The following LRCH2 variants were observed in gnomAD, a reference collection of about 807,000 sequenced individuals.
LRCH2 encodes the protein leucine-rich repeat and calponin homology domain-containing protein 2.
Under a neutral mutation model 68.9 loss-of-function variants are expected in LRCH2, and 38 were observed. The ratio of observed to expected loss-of-function variants is 0.55; its 90% CI spans 0.43 to 0.72. LRCH2 has a LOEUF of 0.72. Among genes scored for constraint, LRCH2 ranks in the 30% least tolerant of loss-of-function variants. LRCH2 has a pLI of 0.00. For missense variants in LRCH2, 528 were observed against 572.9 expected, an observed-to-expected ratio of 0.92 and a Z score of 0.80; for synonymous variants, 191 against 208.1, an observed-to-expected ratio of 0.92 and a Z score of 0.71.
chrX:115,123,947 G>T lies in LRCH2; in HGVS notation c.1847C>A (p.Ser616Ter). The change falls in exon 17 of 21, where the codon TCA becomes TAA. Residue 616 changes from serine (S) to a stop codon, truncating the protein, a stop_gained and splice_region_variant. Transcript: ENST00000317135. LOFTEE classifies it high-confidence loss of function. Reference protein sequence around the residue: ...SHSPFGLKPRSAFSRSSRQEY... With the variant: ...SHSPFGLKPR ...TTATTTACAGAATATCTATTTACCT[G>T]ATCTAGGCTTCAAGCCAAAGGGACT... 9.1e-7 allele frequency: 1 copy of T among 1,096,596 alleles called. No individual in the cohort carries two copies. The highest frequency in any genetic ancestry group is 1.2e-6 in the Non-Finnish European group (1 of 823,953). 90.4% of individuals were successfully genotyped at this position (1,096,596 alleles called of 1,213,427 possible). A position where few individuals can be genotyped will look rare whatever the true frequency, so the allele number is the denominator to read the frequency against.
At chrX:115,233,167 A>G (rs151123509) in intron 1 of LRCH2, among the ~76,000 whole-genome samples, 283 of 112,191 alleles carry the variant, frequency 2.5e-3, no homozygotes, top group African/African-American at 8.4e-3. Context: ...TCAGTCTTTA[A>G]AGGCATACGT....
At chrX:115,149,793 T>C in intron 14 of LRCH2, 34 bp downstream of exon 14, 1 of 934,686 alleles carries the variant, frequency 1.1e-6, no homozygotes, top group Non-Finnish European at 1.5e-6. Flanking sequence ...AACTAATAAT[T>C]ACAAAGTAAA....
At chrX:115,190,944 C>G in intron 1 of LRCH2, 1 of 1,159,475 alleles carries the variant, frequency 8.6e-7, no homozygotes. Context: ...CCAGCTGGAG[C>G]GACCGCTACG....
chrX:115,192,850 G>A (rs1299982141), intron 1 of LRCH2: 2 of 432,379 alleles, frequency 4.6e-6, no homozygotes, highest in Non-Finnish European at 4.1e-6. Flanking sequence ...ACAAGTTCTT[G>A]TTAAAAGTAT....
chrX:115,152,482 C>G (rs1418562929), intron 12 of LRCH2, among the ~76,000 whole-genome samples: 1 of 111,690 alleles, frequency 9.0e-6, no homozygotes, highest in African/African-American at 3.3e-5. Context: ...AGTGCAACAT[C>G]TGAAATTAAA....
At chrX:115,197,843 TCTCTCACA>T (rs1232997876) in intron 1 of LRCH2, among the ~76,000 whole-genome samples, 1 of 47,602 alleles carries the variant, frequency 2.1e-5, no homozygotes, top group Non-Finnish European at 3.9e-5. Flanking sequence ...TCTCTCTCTC[TCTCTCACA>T]CACACACACA....
chrX:115,195,922 A>C (rs2072884019), intron 1 of LRCH2, among the ~76,000 whole-genome samples: 1 of 111,998 alleles, frequency 8.9e-6, no homozygotes, highest in South Asian at 3.8e-4. Flanking sequence ...CTGAGAACTA[A>C]GTAGCCACAG....
Position 115,165,593 on chromosome X carries a change from T to C in LRCH2, c.1261A>G (p.Asn421Asp). 2.6e-6 allele frequency: 3 copies of C among 1,169,209 alleles called. No individual in the cohort carries two copies. Among genetic ancestry groups the C allele is most frequent in the Non-Finnish European group, 3.4e-6 (3 of 872,265 alleles). Residue 421 changes from asparagine to aspartate, a missense_variant, in exon 9 of 21, where the codon AAT becomes GAT. Physicochemically the swap from Asn to Asp is conservative, Grantham distance 23. Coordinates refer to ENST00000317135, the MANE Select transcript of LRCH2 (RefSeq NM_020871.4). ...TEDVAVPEQG[N>D]AHIGSFVSFF... ...GATACAAATGATCCAATATGTGCAT[T>C]TCCCTGTTCAGGAACTGCTACATCT...
intron 14 of LRCH2, among the ~76,000 whole-genome samples, chrX:115,140,561 G>A (rs1340006689): frequency 2.7e-5 from 3 of 111,571 alleles, no homozygotes; most frequent in African/African-American, 9.8e-5. Flanking sequence ...TTGGAGTTCA[G>A]GAATCTAGGC....
intron 14 of LRCH2, among the ~76,000 whole-genome samples, chrX:115,142,989 G>T (rs1405971864): frequency 1.8e-5 from 2 of 110,350 alleles, no homozygotes; most frequent in Non-Finnish European, 3.8e-5. Context: ...CCAGCTACTT[G>T]GAAGGCTGAA....
chrX:115,166,039 G>C (rs782033204), intron 7 of LRCH2, 87 bp from the exon 8 acceptor site: 8 of 741,040 alleles, frequency 1.1e-5, no homozygotes. Context: ...ATGAATTACA[G>C]AATGTCTGCT....
intron 20 of LRCH2, among the ~76,000 whole-genome samples, chrX:115,118,148 T>C (rs1332448542): frequency 9.1e-6 from 1 of 109,908 alleles, no homozygotes; most frequent in Non-Finnish European, 1.9e-5. Context: ...GGAGTTCCAG[T>C]CCAGCCTGGG....
intron 14 of LRCH2, among the ~76,000 whole-genome samples, chrX:115,132,834 T>A (rs2072257849): frequency 8.9e-6 from 1 of 112,047 alleles, no homozygotes; most frequent in Admixed American, 9.6e-5. Context: ...CTTGAGTGAA[T>A]ATGCTAATAT....
At chrX:115,138,981 T>C (rs2072313064) in intron 14 of LRCH2, 1 of 110,378 alleles carries the variant, frequency 9.1e-6, no homozygotes, top group Non-Finnish European at 1.9e-5. Context: ...GAAAGGTCAG[T>C]CCATCTCAGA....
chrX:115,200,788 T>C (rs1458125545), intron 1 of LRCH2, among the ~76,000 whole-genome samples: 1 of 111,069 alleles, frequency 9.0e-6, no homozygotes, highest in African/African-American at 3.3e-5. Context: ...GTATTCTCCC[T>C]AATTCTTTCC....
Position 115,149,807 on chromosome X carries a change from A to T in LRCH2, c.1695+20T>A, listed in dbSNP as rs1556537704. 5 of 1,025,788 alleles carry T rather than the reference A, an allele frequency of 4.9e-6. No homozygotes were observed. The highest frequency in any genetic ancestry group is 6.6e-6 in the Non-Finnish European group (5 of 754,405). 84.5% of individuals were successfully genotyped at this position (1,025,788 alleles called of 1,213,427 possible). ...AAACTAATAATTACAAAGTAAATTT[A>T]AAAACTTAATATAGAGTACCTTGAA... On this transcript the variant is annotated intron_variant, in intron 14 of 20. Transcript: ENST00000317135.
At chrX:115,166,848 A>G (rs2072563755) in intron 6 of LRCH2, among the ~76,000 whole-genome samples, 1 of 110,761 alleles carries the variant, frequency 9.0e-6, no homozygotes, top group African/African-American at 3.3e-5. Flanking sequence ...TTGTCCTTGC[A>G]AATTTCTGAT....
intron 14 of LRCH2, among the ~76,000 whole-genome samples, chrX:115,135,866 T>C (rs1343695862): frequency 7.1e-5 from 8 of 112,121 alleles, no homozygotes; most frequent in Non-Finnish European, 1.5e-4. Context: ...TTGTGAGTAA[T>C]TTTTAGCAAT....
At chrX:115,208,814 A>G (rs1395974528) in intron 1 of LRCH2, among the ~76,000 whole-genome samples, 2 of 112,252 alleles carry the variant, frequency 1.8e-5, no homozygotes, top group Non-Finnish European at 3.8e-5. Flanking sequence ...AATATAGATT[A>G]CCATAGTCTC....
Sources: allele counts gnomAD v4.1 joint callset (sites outside exome capture counted in the v4.1 genomes callset), GRCh38; gene constraint gnomAD v4.1.1; transcripts MANE v1.5; gene names NCBI Gene and HGNC (gene_info 2026-07-23, HGNC 2026-07-21).